The following LRRC71 variants were observed in gnomAD, a reference collection of about 807,000 sequenced individuals.
LRRC71 encodes leucine rich repeat containing 71, also known as leucine-rich repeat-containing protein 71.
A neutral mutation model predicts 66.6 loss-of-function variants in LRRC71; 54 were observed. The ratio of observed to expected loss-of-function variants is 0.81; its 90% CI spans 0.65 to 1.02. The LOEUF is 1.02. Among genes scored for constraint, LRRC71 ranks in the 50% least tolerant of loss-of-function variants. The pLI, the probability that LRRC71 is intolerant of heterozygous loss-of-function variation, is 0.00. For synonymous variants in LRRC71, 323 were observed against 303.9 expected (o/e 1.06, Z -0.65); for missense variants, 724 against 718.0 (o/e 1.01, Z -0.10).
intron 5 of LRRC71, among the ~76,000 whole-genome samples, chr1:156,925,439 G>C (rs1354047974): frequency 6.6e-6 from 1 of 152,242 alleles, no homozygotes; most frequent in African/African-American, 2.4e-5. Flanking sequence ...GCAATGTGGA[G>C]ACTGGTGATG....
intron 12 of LRRC71, among the ~76,000 whole-genome samples, chr1:156,930,989 GTCT>G (rs1480274389): frequency 6.6e-6 from 1 of 152,200 alleles, no homozygotes; most frequent in Admixed American, 6.5e-5. Flanking sequence ...GGAACAATGC[GTCT>G]TCTTTTTTGC....
intron 9 of LRRC71, among the ~76,000 whole-genome samples, chr1:156,928,354 T>C (rs1340493273): frequency 6.8e-6 from 1 of 148,146 alleles, no homozygotes; most frequent in Non-Finnish European, 1.5e-5. Context: ...TTTCTTTCTC[T>C]TCTTCTTCCT....
At chr1:156,933,153 A>G (rs1224898068), downstream of LRRC71, 1 of 541,142 alleles carries the variant, frequency 1.8e-6, no homozygotes, top group East Asian at 3.0e-5. Flanking sequence ...GCGTCTGTCC[A>G]TGTTACATGC....
At chr1:156,939,659 G>A in the LRRC71 span, 30 of 1,613,876 alleles carry the variant, frequency 1.9e-5, no homozygotes, top group Non-Finnish European at 2.5e-5. Context: ...GTCCTTGGGG[G>A]TAGGTGTTCC....
At chr1:156,939,351 A>C in the LRRC71 span, 6 of 696,374 alleles carry the variant, frequency 8.6e-6, no homozygotes, top group South Asian at 1.1e-4. Context: ...TAAGTGGCAG[A>C]GCTAAGCTCT....
downstream of LRRC71, chr1:156,937,116 G>C (rs1655576303): frequency 6.4e-7 from 1 of 1,566,162 alleles, no homozygotes; most frequent in Non-Finnish European, 8.7e-7. Context: ...AGGGTGGCTG[G>C]GCGGGCTGGG....
At position 156,927,619 on chromosome 1, in the gene LRRC71, C is replaced by T; in HGVS notation, c.786C>T (p.Asn262=). Residue 262 remains asparagine, a synonymous_variant, in exon 7 of 15, where the codon AAC becomes AAT. Coordinates refer to ENST00000337428, the MANE Select transcript of LRRC71 (RefSeq NM_144702.3). The stretch of plus-strand genomic sequence containing the variant: ...TCGTCTCGCTCAACCTGGGTTTCAA[C>T]CACATCGGTGACGAGGGCGCAGGCT... ...RTLVSLNLGF[N]HIGDEGAGYI... 1.2e-6 allele frequency: 2 copies of T among 1,603,072 alleles called. No individual in the cohort carries two copies. The highest frequency in any genetic ancestry group is 1.1e-5 in the South Asian group (1 of 89,372).
intron 2 of LRRC71, 46 bp from the exon 3 acceptor site, chr1:156,924,367 CCCGGCGTGGGG>C (rs1481819825): frequency 3.3e-6 from 5 of 1,524,174 alleles, no homozygotes; most frequent in Non-Finnish European, 4.4e-6. Context: ...CGTGGGCCGG[CCCGGCGTGGGG>C]CCCTGGAGGT....
the LRRC71 span, among the ~76,000 whole-genome samples, chr1:156,940,719 AAAC>A: frequency 6.6e-6 from 1 of 152,204 alleles, no homozygotes; most frequent in Non-Finnish European, 1.5e-5. Context: ...GGAAAGAAGA[AAAC>A]AACAACAGGG....
At chr1:156,931,453 T>C (rs1654355870) in intron 12 of LRRC71, among the ~76,000 whole-genome samples, 1 of 152,232 alleles carries the variant, frequency 6.6e-6, no homozygotes, top group Admixed American at 6.5e-5. Flanking sequence ...CTGCAATTTC[T>C]TTTCATCATG....
chr1:156,939,656 G>T, the LRRC71 span: 3 of 1,613,914 alleles, frequency 1.9e-6, no homozygotes, highest in East Asian at 2.2e-5. Flanking sequence ...CTGGTCCTTG[G>T]GGGTAGGTGT....
At chr1:156,936,019 G>T, downstream of LRRC71, 1 of 1,613,716 alleles carries the variant, frequency 6.2e-7, no homozygotes, top group Non-Finnish European at 8.5e-7. Context: ...TGGTGACGCG[G>T]CTGCGTCTGC....
At chr1:156,938,764 T>C in the LRRC71 span, 4 of 457,260 alleles carry the variant, frequency 8.7e-6, no homozygotes, top group Non-Finnish European at 1.5e-5. Context: ...CTTGGGCAGA[T>C]GGAATGAAAA....
intron 13 of LRRC71, 32 bp from the exon 14 acceptor site, chr1:156,932,392 C>T (rs748436851): frequency 7.4e-5 from 117 of 1,585,058 alleles, no homozygotes; most frequent in Non-Finnish European, 9.8e-5. Flanking sequence ...GCCTGTGGTG[C>T]TAAGAGGCCA....
the LRRC71 span, chr1:156,939,665 G>C: frequency 6.2e-7 from 1 of 1,614,034 alleles, no homozygotes; most frequent in South Asian, 1.1e-5. Context: ...GGGGGTAGGT[G>C]TTCCAGAGAA....
chr1:156,933,445 T>G (rs1033680334), downstream of LRRC71, among the ~76,000 whole-genome samples: 3 of 152,206 alleles, frequency 2.0e-5, no homozygotes, highest in Non-Finnish European at 4.4e-5. Flanking sequence ...ACAGGCTCCA[T>G]GCCCGCTCCC....
At chr1:156,935,905 G>A (rs768409391), downstream of LRRC71, 35 of 1,383,992 alleles carry the variant, frequency 2.5e-5, no homozygotes, top group Non-Finnish European at 3.5e-5. Context: ...TCCTCCACAG[G>A]GAGGAGTGTT....
the LRRC71 span, chr1:156,938,694 C>A: frequency 7.6e-6 from 4 of 523,586 alleles, no homozygotes; most frequent in East Asian, 9.7e-5. Context: ...AACTTTCCAC[C>A]AATTCACCGA....
At position 156,924,491 on chromosome 1, in the gene LRRC71, C is replaced by A; in HGVS notation, c.378C>A (p.Pro126=). The A allele has an allele frequency of 1.3e-6, 2 of 1,551,438 alleles. No individual in the cohort carries two copies. Among genetic ancestry groups the A allele is most frequent in the Non-Finnish European group, 1.7e-6 (2 of 1,147,004 alleles). ...AGAGCAAATACGTGTTCTTCCGGCCCACCATCCAGGTGGAGCTGGAGCAGG... is the reference window on the plus strand; with the variant it reads ...AGAGCAAATACGTGTTCTTCCGGCCAACCATCCAGGTGGAGCTGGAGCAGG... The part of the protein sequence containing the change: ...SLESKYVFFR[P]TIQVELEQED... The change falls in exon 3 of 15, where the codon CCC becomes CCA. Residue 126 remains proline, a synonymous_variant. Transcript: ENST00000337428.
Sources: gnomAD v4.1 joint callset for allele counts (sites outside exome capture counted in the v4.1 genomes callset) on GRCh38, gnomAD v4.1.1 for gene constraint, MANE v1.5 for transcripts, NCBI Gene and HGNC (gene_info 2026-07-23, HGNC 2026-07-21) for gene names.